The following MCTP1 variants were observed in gnomAD, a reference collection of about 807,000 sequenced individuals.
The protein encoded by MCTP1 is multiple C2 and transmembrane domain-containing protein 1.
Under a neutral mutation model 120.6 loss-of-function variants are expected in MCTP1, and 69 were observed. The observed-to-expected ratio is 0.57, with a 90% CI of 0.47 to 0.70. MCTP1 has a LOEUF of 0.70. Among genes scored for constraint, MCTP1 ranks in the 30% least tolerant of loss-of-function variants. MCTP1 has a pLI of 0.00. For missense variants in MCTP1, 1,203 were observed against 1,248.8 expected (o/e 0.96, Z 0.55); for synonymous variants, 529 against 493.1 (o/e 1.07, Z -0.96).
At chr5:95,257,262 G>A (rs1362085128) in intron 1 of MCTP1, among the ~76,000 whole-genome samples, 1 of 152,072 alleles carries the variant, frequency 6.6e-6, no homozygotes, top group African/African-American at 2.4e-5. Context: ...GAGCTTGTGG[G>A]ATACAGGCAC....
chr5:95,256,880 A>C (rs958387924), intron 1 of MCTP1, among the ~76,000 whole-genome samples: 14 of 152,236 alleles, frequency 9.2e-5, no homozygotes, highest in African/African-American at 3.1e-4. Context: ...TATTGTTTTA[A>C]CTTTAATGAC....
At chr5:95,029,137 C>G (rs190804300) in intron 1 of MCTP1, among the ~76,000 whole-genome samples, 29 of 134,410 alleles carry the variant, frequency 2.2e-4, no homozygotes, top group African/African-American at 4.4e-4. Context: ...GCCTGGGTGA[C>G]AGAGCGAGAC....
At chr5:94,998,313 A>G (rs1334283070) in intron 2 of MCTP1, among the ~76,000 whole-genome samples, 2 of 152,200 alleles carry the variant, frequency 1.3e-5, no homozygotes, top group Non-Finnish European at 2.9e-5. Flanking sequence ...GAGATGGACT[A>G]TCTATGGCTA....
chr5:95,176,231 C>T (rs769871521), intron 1 of MCTP1, among the ~76,000 whole-genome samples: 2 of 152,082 alleles, frequency 1.3e-5, no homozygotes, highest in African/African-American at 2.4e-5. Flanking sequence ...CACATAAGAA[C>T]GAGCAGTAGT....
At chr5:95,140,879 CAAAAA>C (rs33910299) in intron 1 of MCTP1, among the ~76,000 whole-genome samples, 2 of 45,338 alleles carry the variant, frequency 4.4e-5, no homozygotes, top group East Asian at 1.3e-3. Context: ...GACTCCGTCT[CAAAAA>C]AAAAAAAAAA....
rs34402712 is a variant in MCTP1 at position 94,897,229 on chromosome 5, ATT to A, written c.1653-2396_1653-2395del. Among the ~76,000 whole-genome samples the A allele has an allele frequency of 1.3e-4, 18 of 137,218 alleles. No individual in the cohort carries two copies. The East Asian group carries it at 1.5e-3, about 11-fold the overall frequency. The allele number at this position is 137,218 out of a possible 152,430, so 90.0% of individuals were successfully genotyped here. A position where few individuals can be genotyped will look rare whatever the true frequency, so the allele number is the denominator to read the frequency against. ...GGGTGCGTGCCACCAGGCCTGGCTA[ATT>A]TTTTTTTTTTTTTTGTATTTTTTGT... is the stretch of plus-strand genomic sequence containing the variant. On this transcript the variant is annotated intron_variant, in intron 10 of 22. Transcript: ENST00000515393.
intron 3 of MCTP1, among the ~76,000 whole-genome samples, chr5:94,947,577 T>TATATATATATATATATAGAG: frequency 1.2e-3 from 57 of 47,352 alleles, no homozygotes; most frequent in Middle Eastern, 0.014. Context: ...TATATATATA[T>TATATATATATATATATAGAG]AGAGAGAGAG....
chr5:95,226,866 G>A (rs1430005648), intron 1 of MCTP1, among the ~76,000 whole-genome samples: 1 of 151,930 alleles, frequency 6.6e-6, no homozygotes, highest in South Asian at 2.1e-4. Flanking sequence ...GGTCAAGAAA[G>A]AACCCTTCAT....
intron 1 of MCTP1, among the ~76,000 whole-genome samples, chr5:95,195,951 A>G (rs1750342072): frequency 1.3e-5 from 2 of 152,162 alleles, no homozygotes; most frequent in Non-Finnish European, 2.9e-5. Flanking sequence ...TAGCTATTAG[A>G]TTGCATTCTG....
chr5:94,811,434 G>A (rs1783391908), intron 17 of MCTP1, among the ~76,000 whole-genome samples: 1 of 152,188 alleles, frequency 6.6e-6, no homozygotes, highest in Non-Finnish European at 1.5e-5. Flanking sequence ...AACTCCAACT[G>A]TTCAAACAGC....
intron 17 of MCTP1, among the ~76,000 whole-genome samples, chr5:94,799,495 C>T (rs1036783961): frequency 6.6e-6 from 1 of 151,984 alleles, no homozygotes; most frequent in Admixed American, 6.6e-5. Context: ...GGTTTATCTG[C>T]CTTAATGATA....
intron 2 of MCTP1, among the ~76,000 whole-genome samples, chr5:94,985,149 C>T (rs1203892085): frequency 6.6e-6 from 1 of 152,098 alleles, no homozygotes; most frequent in Non-Finnish European, 1.5e-5. Flanking sequence ...TTTACAAAAG[C>T]CATCATCTTC....
intron 1 of MCTP1, among the ~76,000 whole-genome samples, chr5:95,242,406 T>C (rs376663960): frequency 1.3e-5 from 2 of 152,150 alleles, no homozygotes; most frequent in Non-Finnish European, 2.9e-5. Flanking sequence ...AATTGTGAGA[T>C]GCAATAAGAG....
intron 2 of MCTP1, among the ~76,000 whole-genome samples, chr5:94,958,361 A>G (rs572900232): frequency 3.9e-4 from 59 of 152,302 alleles, no homozygotes; most frequent in African/African-American, 1.4e-3. Flanking sequence ...TAAGAGAACT[A>G]GAGAAGCAAG....
chr5:95,170,317 T>A (rs374384795), intron 1 of MCTP1, among the ~76,000 whole-genome samples: 3 of 152,134 alleles, frequency 2.0e-5, no homozygotes, highest in Non-Finnish European at 2.9e-5. Flanking sequence ...TGCTGAGGAG[T>A]GCTTTACTTC....
intron 1 of MCTP1, among the ~76,000 whole-genome samples, chr5:95,062,614 A>G (rs1448246499): frequency 6.6e-6 from 1 of 152,206 alleles, no homozygotes; most frequent in Non-Finnish European, 1.5e-5. Flanking sequence ...GGAACTGAAC[A>G]GTCCCCACAT....
rs376179489 is a variant in MCTP1 at position 95,253,615 on chromosome 5, C to T, written c.720+30241G>A. Among the ~76,000 whole-genome samples, 11 of 152,086 alleles carry T rather than the reference C, an allele frequency of 7.2e-5. No homozygotes were observed. The East Asian group carries it at 1.7e-3, about 24-fold the overall frequency. ...CTAAAGAGAGACCCAAATTGACTTA[C>T]AACCATTTATAACTAAAGAACACAT... On this transcript the variant is annotated intron_variant, in intron 1 of 22. Coordinates refer to ENST00000515393, the MANE Select transcript of MCTP1 (RefSeq NM_024717.7).
chr5:94,904,337 T>A (rs1806256858), intron 10 of MCTP1, among the ~76,000 whole-genome samples: 1 of 152,158 alleles, frequency 6.6e-6, no homozygotes, highest in African/African-American at 2.4e-5. Context: ...GCCTCACTAT[T>A]TGCATCTGCA....
Position 94,849,954 on chromosome 5 carries a change from C to T in MCTP1, c.2436+18379G>A, listed in dbSNP as rs145004820. On this transcript the variant is annotated intron_variant, in intron 17 of 22. Transcript: ENST00000515393. ...CTGGTCCTTTTGGCTTTTAATTATT[C>T]TTCACAGAAGTAAGATTAAATAGGT... Among the ~76,000 whole-genome samples the T allele has an allele frequency of 1.8e-4, 28 of 152,222 alleles. 1 individual carries two copies. In the East Asian group the frequency reaches 5.4e-3, roughly 29 times the overall value.
Sources: gnomAD v4.1 joint callset for allele counts (sites outside exome capture counted in the v4.1 genomes callset) on GRCh38, gnomAD v4.1.1 for gene constraint, MANE v1.5 for transcripts, NCBI Gene and HGNC (gene_info 2026-07-23, HGNC 2026-07-21) for gene names.